The following MIOS variants were observed in gnomAD, a reference collection of about 807,000 sequenced individuals.
The protein encoded by MIOS is meiosis regulator for oocyte development.
MIOS carries 52 observed loss-of-function variants against 96.9 expected under a neutral mutation model. The ratio of observed to expected loss-of-function variants is 0.54; its 90% CI spans 0.43 to 0.68. MIOS has a LOEUF of 0.68. MIOS is among the 30% of genes least tolerant of loss of function. The pLI is 0.00. For missense variants in MIOS, 1,005 were observed against 1,052.8 expected, an observed-to-expected ratio of 0.95 and a Z score of 0.63; for synonymous variants, 397 against 359.5, an observed-to-expected ratio of 1.10 and a Z score of -1.18.
At chr7:7,579,826 G>T (rs1295993594) in intron 5 of MIOS, among the ~76,000 whole-genome samples, 2 of 152,168 alleles carry the variant, frequency 1.3e-5, no homozygotes, top group East Asian at 3.8e-4. Flanking sequence ...ATGCCATCTA[G>T]GTTTGTGTAA....
chr7:7,595,233 G>T, intron 10 of MIOS, 101 bp downstream of exon 10: 1 of 1,269,216 alleles, frequency 7.9e-7, no homozygotes, highest in Non-Finnish European at 1.1e-6. Context: ...AGTTCCCATT[G>T]ATGTCTTTGT....
At chr7:7,574,815 T>C (rs1028888408) in intron 5 of MIOS, among the ~76,000 whole-genome samples, 2 of 152,104 alleles carry the variant, frequency 1.3e-5, no homozygotes, top group Non-Finnish European at 2.9e-5. Context: ...TTTAAACAGT[T>C]GTTCCTATTC....
intron 3 of MIOS, among the ~76,000 whole-genome samples, chr7:7,570,555 GA>G (rs1424195159): frequency 6.6e-6 from 1 of 151,958 alleles, no homozygotes; most frequent in East Asian, 1.9e-4. Flanking sequence ...ACTATACAAT[GA>G]AATAATTATA....
rs185618772 is a variant in MIOS at position 7,596,845 on chromosome 7, C to T, written c.2401+384C>T. On this transcript the variant is annotated intron_variant, in intron 11 of 12. Coordinates refer to ENST00000340080, the MANE Select transcript of MIOS (RefSeq NM_019005.4). ...CTTTGTATTTCTAAGGATCTTTTGA[C>T]ATCATTAAAGCACTTTGACATTTCT... 2.9e-4 allele frequency among the ~76,000 whole-genome samples: 44 copies of T among 152,298 alleles called. No homozygotes were observed. In the East Asian group the frequency reaches 8.1e-3, roughly 28 times the overall value.
intron 6 of MIOS, among the ~76,000 whole-genome samples, chr7:7,584,924 G>T (rs1017027936): frequency 1.3e-5 from 2 of 152,128 alleles, no homozygotes; most frequent in Non-Finnish European, 2.9e-5. Context: ...TCTTGCAAAT[G>T]GGTCTAAATG....
chr7:7,591,047 G>A (rs1364014097), intron 9 of MIOS, among the ~76,000 whole-genome samples: 1 of 151,828 alleles, frequency 6.6e-6, no homozygotes, highest in African/African-American at 2.4e-5. Context: ...AGAAAACATG[G>A]GCTTTTATAT....
chr7:7,602,615 G>C (rs1010090355), intron 11 of MIOS, among the ~76,000 whole-genome samples: 4 of 152,086 alleles, frequency 2.6e-5, no homozygotes, highest in African/African-American at 9.7e-5. Context: ...CTCATGGGTG[G>C]GAAGAATCAA....
chr7:7,588,433 G>T, intron 7 of MIOS, 65 bp from the exon 8 acceptor site: 1 of 920,780 alleles, frequency 1.1e-6, no homozygotes. Context: ...AAAACATTCA[G>T]TCTCTGCAAA....
Position 7,567,000 on chromosome 7 carries a change from T to C in MIOS, c.-293T>C, listed in dbSNP as rs1346507583. On this transcript the variant is annotated 5_prime_UTR_variant, in exon 1 of 13. Coordinates refer to ENST00000340080, the MANE Select transcript of MIOS (RefSeq NM_019005.4). ...GGCCGCGGCCGCCATCTTGCCCGCG[T>C]CCGGGCTCCTGCGGCGGGCGGGGCG... The C allele has an allele frequency of 6.6e-6, 1 of 151,942 alleles. No individual in the cohort carries two copies. The highest frequency in any genetic ancestry group is 1.5e-5 in the Non-Finnish European group (1 of 67,972). 9.4% of individuals were successfully genotyped at this position (151,942 alleles called of 1,614,324 possible).
intron 11 of MIOS, among the ~76,000 whole-genome samples, chr7:7,604,423 A>G (rs755858114): frequency 1.4e-4 from 22 of 152,322 alleles, no homozygotes; most frequent in Non-Finnish European, 3.1e-4. Flanking sequence ...TTCTAACATC[A>G]TTATAAACAT....
At chr7:7,601,019 C>T (rs189913581) in intron 11 of MIOS, among the ~76,000 whole-genome samples, 676 of 152,102 alleles carry the variant, frequency 4.4e-3, no homozygotes, top group African/African-American at 0.015. Flanking sequence ...TTGAAACCAA[C>T]GAGAACAAAG....
chr7:7,575,842 T>G (rs1374349877), intron 5 of MIOS, among the ~76,000 whole-genome samples: 5 of 151,946 alleles, frequency 3.3e-5, no homozygotes, highest in Non-Finnish European at 5.9e-5. Context: ...TTGGAAAGAT[T>G]TCCTCATTCA....
At chr7:7,589,957 A>T (rs529949974) in intron 9 of MIOS, among the ~76,000 whole-genome samples, 1 of 152,168 alleles carries the variant, frequency 6.6e-6, no homozygotes, top group Non-Finnish European at 1.5e-5. Context: ...CTCAGCTTTC[A>T]TTTTCTCTTT....
chr7:7,589,373 T>C (rs369917746), intron 8 of MIOS, 32 bp from the exon 9 acceptor site: 7 of 1,598,796 alleles, frequency 4.4e-6, no homozygotes, highest in Admixed American at 1.7e-5. Context: ...GTGAAACAGA[T>C]TGCTTTAGAA....
chr7:7,569,866 A>T (rs1406203504), intron 3 of MIOS, among the ~76,000 whole-genome samples: 2 of 152,206 alleles, frequency 1.3e-5, no homozygotes, highest in African/African-American at 4.8e-5. Context: ...AGGTATGGTG[A>T]TGAGGGAGGA....
intron 6 of MIOS, 78 bp from the exon 7 acceptor site, chr7:7,585,558 C>T (rs961683687): frequency 2.3e-5 from 30 of 1,317,198 alleles, no homozygotes; most frequent in Non-Finnish European, 2.5e-5. Context: ...CCTCTGATTT[C>T]TATTTATGGT....
intron 9 of MIOS, among the ~76,000 whole-genome samples, chr7:7,592,215 C>T (rs1394928794): frequency 6.6e-6 from 1 of 152,186 alleles, no homozygotes; most frequent in African/African-American, 2.4e-5. Context: ...TCTTAAATGC[C>T]TGTCCTCAAG....
chr7:7,570,034 G>A (rs1783297285), intron 3 of MIOS, among the ~76,000 whole-genome samples: 1 of 151,992 alleles, frequency 6.6e-6, no homozygotes, highest in African/African-American at 2.4e-5. Context: ...AGCAAGGAAG[G>A]ATAGCCTGGT....
At chr7:7,589,295 T>C in intron 8 of MIOS, 110 bp from the exon 9 acceptor site, 1 of 928,362 alleles carries the variant, frequency 1.1e-6, no homozygotes, top group Non-Finnish European at 1.6e-6. Flanking sequence ...GTAAAGTCTT[T>C]TGTTTTAAAA....
Sources: allele counts gnomAD v4.1 joint callset (sites outside exome capture counted in the v4.1 genomes callset), GRCh38; gene constraint gnomAD v4.1.1; transcripts MANE v1.5; gene names NCBI Gene and HGNC (gene_info 2026-07-23, HGNC 2026-07-21).